Variants in SFMBT2 observed in about 807,000 individuals in gnomAD.
SFMBT2 encodes the protein Scm like with four mbt domains 2.
Under a neutral mutation model 110.1 loss-of-function variants are expected in SFMBT2, and 38 were observed. The ratio of observed to expected loss-of-function variants is 0.35; its 90% CI spans 0.27 to 0.45. The LOEUF (loss-of-function observed/expected upper bound fraction) is 0.45, where lower values mean the gene tolerates loss of function less well. SFMBT2 is among the 20% of genes least tolerant of loss of function. The pLI, the probability that SFMBT2 is intolerant of heterozygous loss-of-function variation, is 1.00. For synonymous variants in SFMBT2, 425 were observed against 425.4 expected (o/e 1.00, Z 0.01); for missense variants, 1,011 against 1,094.9 (o/e 0.92, Z 1.08).
intron 1 of SFMBT2, among the ~76,000 whole-genome samples, chr10:7,401,335 C>T (rs1846077260): frequency 6.6e-6 from 1 of 152,140 alleles, no homozygotes; most frequent in Non-Finnish European, 1.5e-5. Context: ...CCATAACATT[C>T]GTGTTGACCT....
chr10:7,291,250 T>G (rs1842255028), intron 4 of SFMBT2, among the ~76,000 whole-genome samples: 6 of 152,208 alleles, frequency 3.9e-5, no homozygotes, highest in African/African-American at 1.2e-4. Flanking sequence ...TCACTCACAC[T>G]CTAGCCCACA....
At chr10:7,305,618 C>A (rs1219891238) in intron 4 of SFMBT2, among the ~76,000 whole-genome samples, 1 of 152,238 alleles carries the variant, frequency 6.6e-6, no homozygotes, top group African/African-American at 2.4e-5. Flanking sequence ...ATCATCCAGA[C>A]AGAGTGAAAT....
chr10:7,274,092 T>C (rs1329957501), intron 7 of SFMBT2, among the ~76,000 whole-genome samples: 2 of 152,192 alleles, frequency 1.3e-5, no homozygotes, highest in South Asian at 4.1e-4. Context: ...TGGAATACTA[T>C]GCAGCCCCTG....
intron 4 of SFMBT2, among the ~76,000 whole-genome samples, chr10:7,306,741 GA>G (rs34999247): frequency 1.5e-4 from 22 of 150,514 alleles, no homozygotes; most frequent in South Asian, 1.0e-3. Context: ...GAAAAGGGGG[GA>G]AAAAAAAGAG....
chr10:7,411,065 CTTTTTTTT>C (rs766788794), upstream of SFMBT2, among the ~76,000 whole-genome samples: 42 of 53,916 alleles, frequency 7.8e-4, no homozygotes, highest in African/African-American at 3.2e-3. Context: ...GCTCGGCGCT[CTTTTTTTT>C]TTTTTTTTTT....
intron 4 of SFMBT2, chr10:7,295,130 G>A (rs1842367443): frequency 6.6e-6 from 1 of 152,168 alleles, no homozygotes; most frequent in African/African-American, 2.4e-5. Context: ...CCTGAAAGAT[G>A]CTAGCCTTCC....
chr10:7,206,665 T>C lies in SFMBT2; in HGVS notation c.1331-737A>G, dbSNP rs181941077. On this transcript the variant is annotated intron_variant, in intron 11 of 20. Transcript: ENST00000397167. Reference sequence around the variant, plus strand: ...ATTTCGTAATTACAGTCATGCCTTATGAGGACCTGGCTTCACAGCCATGAA... The same window carrying C: ...ATTTCGTAATTACAGTCATGCCTTACGAGGACCTGGCTTCACAGCCATGAA... The C allele has an allele frequency of 2.2e-4, 189 of 858,268 alleles. 1 individual carries two copies. The African/African-American group carries it at 3.2e-3, about 14-fold the overall frequency. The allele number at this position is 858,268 out of a possible 1,614,324, so 53.2% of individuals were successfully genotyped here.
In SFMBT2 at chr10:7,315,120, A is replaced by AAGAAAGAAAGAAAAGAAAG. The variant is rs1554802952; in HGVS notation, c.437-29167_437-29166insCTTTCTTTTCTTTCTTTCT. Among the ~76,000 whole-genome samples the AAGAAAGAAAGAAAAGAAAG allele has an allele frequency of 2.8e-5, 4 of 144,866 alleles. 1 individual carries two copies. Among genetic ancestry groups the AAGAAAGAAAGAAAAGAAAG allele is most frequent in the Non-Finnish European group, 6.2e-5 (4 of 64,340 alleles). On this transcript the variant is annotated intron_variant, in intron 4 of 20. Transcript: ENST00000397167. ...AGAAAGAAAGAAAGAAAAAGCAAGCAAGCAAGCCAGCCAATCCGGCAGCAC... is the reference window on the plus strand; with the variant it reads ...AGAAAGAAAGAAAGAAAAAGCAAGCAAGAAAGAAAGAAAAGAAAGAGCAAGCCAGCCAATCCGGCAGCAC...
At chr10:7,348,203 T>TGAGGGTGGTGGGA (rs1844177961) in intron 4 of SFMBT2, 1 of 1,174,718 alleles carries the variant, frequency 8.5e-7, no homozygotes, top group South Asian at 1.9e-5. Flanking sequence ...GGTTTATGTT[T>TGAGGGTGGTGGGA]GAGGGTGGTG....
At chr10:7,226,574 C>A (rs138271923) in intron 10 of SFMBT2, among the ~76,000 whole-genome samples, 1 of 152,208 alleles carries the variant, frequency 6.6e-6, no homozygotes, top group African/African-American at 2.4e-5. Context: ...AGGCTATAAT[C>A]TTTTTGTCTT....
chr10:7,300,758 A>T (rs1156478535), intron 4 of SFMBT2, among the ~76,000 whole-genome samples: 1 of 152,258 alleles, frequency 6.6e-6, no homozygotes, highest in East Asian at 1.9e-4. Flanking sequence ...GCAAATGCAC[A>T]AATGTATTTT....
In SFMBT2 at chr10:7,250,174, G is replaced by A. The variant is rs79597141; in HGVS notation, c.871-1525C>T. On this transcript the variant is annotated intron_variant, in intron 7 of 20. Transcript: ENST00000397167. ...GGGTACATACACAGGTTTGTTACAT[G>A]GGCATACTATACTCAGGTAGTGAAC... Among the ~76,000 whole-genome samples the A allele has an allele frequency of 9.6e-4, 146 of 152,108 alleles. 1 individual carries two copies. The East Asian group carries it at 0.026, about 28-fold the overall frequency.
intron 7 of SFMBT2, among the ~76,000 whole-genome samples, chr10:7,268,763 G>A (rs555939279): frequency 3.3e-5 from 5 of 152,136 alleles, no homozygotes; most frequent in Non-Finnish European, 5.9e-5. Context: ...CACCCACCTC[G>A]GCCTCCCAAA....
At chr10:7,407,479 G>A (rs1846251064) in intron 1 of SFMBT2, among the ~76,000 whole-genome samples, 1 of 152,064 alleles carries the variant, frequency 6.6e-6, no homozygotes, top group Non-Finnish European at 1.5e-5. Context: ...CAATGGCCTC[G>A]GATCAGCCGC....
At chr10:7,313,952 A>C (rs1391203832) in intron 4 of SFMBT2, among the ~76,000 whole-genome samples, 1 of 152,234 alleles carries the variant, frequency 6.6e-6, no homozygotes, top group African/African-American at 2.4e-5. Flanking sequence ...ATTTCTGGGA[A>C]GTGAGTTTGA....
At chr10:7,353,576 T>C (rs1844397654) in intron 4 of SFMBT2, among the ~76,000 whole-genome samples, 2 of 152,116 alleles carry the variant, frequency 1.3e-5, no homozygotes, top group Admixed American at 6.5e-5. Context: ...TCAAGCTTTC[T>C]TGTTCATATA....
chr10:7,299,947 C>T (rs1031151030), intron 4 of SFMBT2, among the ~76,000 whole-genome samples: 4 of 152,110 alleles, frequency 2.6e-5, no homozygotes, highest in Non-Finnish European at 4.4e-5. Flanking sequence ...GGCACATATA[C>T]ACCATGCAGC....
intron 1 of SFMBT2, among the ~76,000 whole-genome samples, chr10:7,400,251 T>C (rs1476142708): frequency 6.6e-6 from 1 of 152,204 alleles, no homozygotes; most frequent in Non-Finnish European, 1.5e-5. Context: ...GGAAAGAGGA[T>C]GTTCTGCACT....
chr10:7,367,875 A>C lies in SFMBT2; in HGVS notation c.210T>G (p.Ile70Met). Residue 70 changes from isoleucine (I) to methionine (M), a missense_variant, in exon 4 of 21, where the codon ATT becomes ATG. Physicochemically the swap from Ile to Met is conservative, Grantham distance 10. This residue lies in a region of SFMBT2 where 979 missense variants were observed against 1,016.1 expected (regional missense o/e 0.96). Coordinates refer to ENST00000397167, the MANE Select transcript of SFMBT2 (RefSeq NM_001387889.1). This position sits in a 1 kb window ranked among gnomAD's most constrained non-coding sequence, Gnocchi z 6.2. ...HTSFKHVEIS[I>M]QSNFQPGMKL... ...TCATTCCTGGCTGGAAGTTGCTCTG[A>C]ATGCTGATTTCAACCTTAAGGAATC... is the stretch of plus-strand genomic sequence containing the variant. 1 of 1,614,154 alleles carries C rather than the reference A, an allele frequency of 6.2e-7. No individual in the cohort carries two copies. The highest frequency in any genetic ancestry group is 8.5e-7 in the Non-Finnish European group (1 of 1,180,028).
Sources: gnomAD v4.1 joint callset for allele counts (sites outside exome capture counted in the v4.1 genomes callset) on GRCh38, gnomAD v4.1.1 for gene constraint, gnomAD v4.1.1 regional missense constraint, Gnocchi (gnomAD v3.1) non-coding constraint, MANE v1.5 for transcripts, NCBI Gene and HGNC (gene_info 2026-07-23, HGNC 2026-07-21) for gene names.